Variants in NTM observed in about 807,000 individuals in gnomAD.
The protein encoded by NTM is neurotrimin.
A neutral mutation model predicts 42.1 loss-of-function variants in NTM; 13 were observed. The observed-to-expected ratio is 0.31, with a 90% CI of 0.20 to 0.49. NTM has a LOEUF of 0.49. Ranked by LOEUF, NTM falls within the 20% of genes least tolerant of loss-of-function variation. The pLI is 0.99. For synonymous variants in NTM, 187 were observed against 179.2 expected, an observed-to-expected ratio of 1.04 and a Z score of -0.35; for missense variants, 373 against 452.8, an observed-to-expected ratio of 0.82 and a Z score of 1.60.
chr11:131,680,189 C>T (rs1339900042), intron 1 of NTM, among the ~76,000 whole-genome samples: 1 of 152,144 alleles, frequency 6.6e-6, no homozygotes, highest in Non-Finnish European at 1.5e-5. Context: ...GCACCTTGCC[C>T]TCCCTCACCA....
chr11:131,976,093 C>T (rs1342082698), intron 2 of NTM, among the ~76,000 whole-genome samples: 1 of 150,722 alleles, frequency 6.6e-6, no homozygotes. Flanking sequence ...CCTTCCTTCC[C>T]TCCTTCCCTC....
chr11:131,627,416 A>G (rs2063227198), intron 1 of NTM, among the ~76,000 whole-genome samples: 1 of 152,178 alleles, frequency 6.6e-6, no homozygotes, highest in African/African-American at 2.4e-5. Context: ...AGGCAAACGT[A>G]ATAAAGATAG....
At chr11:131,977,404 C>T (rs932531337) in intron 2 of NTM, among the ~76,000 whole-genome samples, 6 of 152,198 alleles carry the variant, frequency 3.9e-5, no homozygotes, top group Non-Finnish European at 8.8e-5. Flanking sequence ...TGCCAAATAG[C>T]TCTGTATGTT....
chr11:131,812,893 G>A (rs2092796982), intron 1 of NTM, among the ~76,000 whole-genome samples: 1 of 152,134 alleles, frequency 6.6e-6, no homozygotes, highest in African/African-American at 2.4e-5. Context: ...ATGTGAGGAG[G>A]GACAGCCAGG....
chr11:132,090,417 C>A (rs964484042), intron 2 of NTM, among the ~76,000 whole-genome samples: 2 of 152,096 alleles, frequency 1.3e-5, no homozygotes, highest in African/African-American at 4.8e-5. Context: ...GGGTATGAGT[C>A]TTCCAGTGCC....
intron 8 of NTM, among the ~76,000 whole-genome samples, chr11:132,331,146 C>G (rs1358757462): frequency 6.6e-6 from 1 of 152,192 alleles, no homozygotes; most frequent in East Asian, 1.9e-4. Context: ...AGATGCATCT[C>G]TGAGATAGTG....
At chr11:132,054,923 T>C (rs185754276) in intron 2 of NTM, among the ~76,000 whole-genome samples, 122 of 152,244 alleles carry the variant, frequency 8.0e-4, no homozygotes, top group Non-Finnish European at 1.2e-3. Flanking sequence ...TAGCTCAGAA[T>C]GAATTATCTG....
chr11:131,829,814 C>T (rs1290129191), intron 1 of NTM, among the ~76,000 whole-genome samples: 1 of 152,062 alleles, frequency 6.6e-6, no homozygotes, highest in Non-Finnish European at 1.5e-5. Context: ...ATAAGCATTC[C>T]CTTTTTTCTG....
In NTM at chr11:132,258,752, G is replaced by A. The variant is rs574688345; in HGVS notation, c.526+46605G>A. Among the ~76,000 whole-genome samples, 8 of 152,294 alleles carry A rather than the reference G, an allele frequency of 5.3e-5. No homozygotes were observed. The East Asian group carries it at 1.2e-3, about 22-fold the overall frequency. On this transcript the variant is annotated intron_variant, in intron 4 of 8. Coordinates refer to ENST00000683400, the MANE Select transcript of NTM (RefSeq NM_001352005.2). ...CACTATTTCCGTTCAACACAAGTAA[G>A]CAGGGACACCACGTGGAAAAGAGAA...
chr11:132,015,608 C>T (rs1422824557), intron 2 of NTM, among the ~76,000 whole-genome samples: 1 of 147,628 alleles, frequency 6.8e-6, no homozygotes, highest in African/African-American at 2.5e-5. Flanking sequence ...ACGTCTTTTA[C>T]CTCTGAAGTA....
At chr11:131,790,486 A>T (rs185120518) in intron 1 of NTM, among the ~76,000 whole-genome samples, 2 of 152,220 alleles carry the variant, frequency 1.3e-5, no homozygotes, top group Non-Finnish European at 2.9e-5. Context: ...AGTCTCCCCT[A>T]CTGACACACA....
At chr11:132,092,519 A>T (rs992321782) in intron 2 of NTM, among the ~76,000 whole-genome samples, 1 of 152,118 alleles carries the variant, frequency 6.6e-6, no homozygotes, top group African/African-American at 2.4e-5. Context: ...CCTGTCTTTC[A>T]TGGTGTTCTT....
intron 1 of NTM, among the ~76,000 whole-genome samples, chr11:131,711,205 C>T (rs1033664603): frequency 3.3e-5 from 5 of 152,168 alleles, no homozygotes; most frequent in African/African-American, 7.2e-5. Context: ...CCTACAAAAT[C>T]GGAGAAAATT....
chr11:131,445,263 T>C (rs183970646), intron 1 of NTM, among the ~76,000 whole-genome samples: 1 of 152,354 alleles, frequency 6.6e-6, no homozygotes, highest in African/African-American at 2.4e-5. Flanking sequence ...TAAGGGTATG[T>C]ATACAGCCAT....
intron 3 of NTM, among the ~76,000 whole-genome samples, chr11:132,147,360 G>A (rs2070764042): frequency 6.6e-6 from 1 of 152,130 alleles, no homozygotes; most frequent in Admixed American, 6.5e-5. Context: ...TTCCTAGTTA[G>A]TGAGCAAGAG....
At chr11:131,589,167 ATGTGTGTG>A (rs58237274) in intron 1 of NTM, among the ~76,000 whole-genome samples, 11 of 143,508 alleles carry the variant, frequency 7.7e-5, no homozygotes, top group African/African-American at 2.9e-4. Flanking sequence ...ACCTGGAAAA[ATGTGTGTG>A]TGTGTGTGTG....
At chr11:131,608,713 C>G (rs1342145033) in intron 1 of NTM, among the ~76,000 whole-genome samples, 2 of 151,930 alleles carry the variant, frequency 1.3e-5, no homozygotes, top group African/African-American at 4.8e-5. Context: ...TTTTTTACAT[C>G]CCCTCTCTCT....
intron 4 of NTM, among the ~76,000 whole-genome samples, chr11:132,273,731 AC>A (rs2093601122): frequency 6.6e-6 from 1 of 152,024 alleles, no homozygotes; most frequent in South Asian, 2.1e-4. Flanking sequence ...ACATGGTGAA[AC>A]CCCGTCTCTA....
chr11:132,271,341 T>C (rs1420389722), intron 4 of NTM, among the ~76,000 whole-genome samples: 1 of 152,168 alleles, frequency 6.6e-6, no homozygotes, highest in Non-Finnish European at 1.5e-5. Flanking sequence ...CTATTGTGAG[T>C]AATACTGTTA....
Sources: allele counts gnomAD v4.1 joint callset (sites outside exome capture counted in the v4.1 genomes callset), GRCh38; gene constraint gnomAD v4.1.1; transcripts MANE v1.5; gene names NCBI Gene and HGNC (gene_info 2026-07-23, HGNC 2026-07-21).